The following CDK11A variants were observed in gnomAD, a reference collection of about 807,000 sequenced individuals.
CDK11A encodes cyclin dependent kinase 11A, also known as cyclin-dependent kinase 11A.
CDK11A carries 55 observed loss-of-function variants against 83.6 expected under a neutral mutation model. The observed-to-expected ratio is 0.66, with a 90% confidence interval of 0.53 to 0.82. The LOEUF (loss-of-function observed/expected upper bound fraction) is 0.82. Ranked by LOEUF, CDK11A falls within the 40% of genes least tolerant of loss-of-function variation. The probability of loss-of-function intolerance (pLI) is 0.00; values close to 1 mark genes in which losing one functional copy is unlikely to be tolerated. For missense variants in CDK11A, 564 were observed against 810.1 expected, an observed-to-expected ratio of 0.70 and a Z score of 3.69; for synonymous variants, 247 against 302.7, an observed-to-expected ratio of 0.82 and a Z score of 1.91.
intron 3 of CDK11A, among the ~76,000 whole-genome samples, chr1:1,721,230 A>G (rs1466962686): frequency 5.3e-5 from 8 of 150,668 alleles, no homozygotes; most frequent in Admixed American, 3.3e-4. Flanking sequence ...AGTATTTACA[A>G]CAGCACACTG....
At chr1:1,715,461 C>CA (rs975990707) in intron 5 of CDK11A, among the ~76,000 whole-genome samples, 1 of 139,088 alleles carries the variant, frequency 7.2e-6, no homozygotes, top group Non-Finnish European at 1.5e-5. Flanking sequence ...AAGACACACT[C>CA]AATGTCTGGC....
In CDK11A at chr1:1,722,412, T is replaced by C. The variant is rs72909040; in HGVS notation, c.111+296A>G. 4,977 of 545,428 alleles carry C rather than the reference T, an allele frequency of 9.1e-3. 138 individuals carry two copies. The highest frequency in any genetic ancestry group is 0.077 in the African/African-American group (4,365 of 56,454). The allele number at this position is 545,428 out of a possible 1,614,324, so 33.8% of individuals were successfully genotyped here. On this transcript the variant is annotated intron_variant, in intron 2 of 19. Coordinates refer to ENST00000404249, the MANE Select transcript of CDK11A (RefSeq NM_024011.4). The stretch of plus-strand genomic sequence containing the variant: ...CAAGTTCCCACTATATTAAAAATAC[T>C]TAGAGATAGTATTATGAATATACTA...
At chr1:1,708,640 C>CA (rs1425618036) in intron 9 of CDK11A, among the ~76,000 whole-genome samples, 154 bp downstream of exon 9, 3 of 127,582 alleles carry the variant, frequency 2.4e-5, no homozygotes, top group Non-Finnish European at 4.8e-5. Flanking sequence ...GATTCCATCT[C>CA]AAAAAAACAA....
chr1:1,717,209 G>A (rs1644697711), intron 4 of CDK11A, among the ~76,000 whole-genome samples: 1 of 151,110 alleles, frequency 6.6e-6, no homozygotes, highest in African/African-American at 2.4e-5. Context: ...TTTCTATACT[G>A]AATAAACTAT....
chr1:1,707,329 G>A lies in CDK11A; in HGVS notation c.1245+80C>T, dbSNP rs552271246. The A allele has an allele frequency of 8.1e-5, 117 of 1,441,112 alleles. 3 individuals carry two copies. The African/African-American group carries it at 1.6e-3, about 19-fold the overall frequency. The allele number at this position is 1,441,112 out of a possible 1,614,324, so 89.3% of individuals were successfully genotyped here. A position where few individuals can be genotyped will look rare whatever the true frequency, so the allele number is the denominator to read the frequency against. ...CTGTGAGGCGACAGACGCCAACACG[G>A]GGGCCAGGCTTCGCTCAGCCCCTGT... On this transcript the variant is annotated intron_variant, in intron 11 of 19. Coordinates refer to ENST00000404249, the MANE Select transcript of CDK11A (RefSeq NM_024011.4).
chr1:1,714,841 C>T (rs1414089257), intron 5 of CDK11A, among the ~76,000 whole-genome samples: 2 of 144,576 alleles, frequency 1.4e-5, no homozygotes, highest in East Asian at 2.1e-4. Context: ...AAGTGGGTGG[C>T]GGCTCGAGCT....
chr1:1,717,749 C>A (rs1557796762), intron 4 of CDK11A, among the ~76,000 whole-genome samples: 1 of 149,548 alleles, frequency 6.7e-6, no homozygotes, highest in Non-Finnish European at 1.5e-5. Context: ...TCTGAACGGT[C>A]TGTGACACAC....
Position 1,702,717 on chromosome 1 carries a change from G to A in CDK11A, c.*190C>T. On this transcript the variant is annotated 3_prime_UTR_variant, in exon 20 of 20. Transcript: ENST00000404249. ...CGAAGATGCCCTGGCAAGTCACGGA[G>A]AAAACACAGCTCTTTCCTCCACAAC... 1 of 619,982 alleles carries A rather than the reference G, an allele frequency of 1.6e-6. No individual in the cohort carries two copies. Among genetic ancestry groups the A allele is most frequent in the Admixed American group, 2.8e-5 (1 of 36,112 alleles). The allele number at this position is 619,982 out of a possible 1,614,324, so 38.4% of individuals were successfully genotyped here. A position where few individuals can be genotyped will look rare whatever the true frequency, so the allele number is the denominator to read the frequency against.
In CDK11A at chr1:1,703,593, G is replaced by A. The variant is rs1273667219; in HGVS notation, c.1943C>T (p.Pro648Leu). 2 of 1,595,494 alleles carry A rather than the reference G, an allele frequency of 1.3e-6. No homozygotes were observed. The highest frequency in any genetic ancestry group is 1.7e-5 in the Admixed American group (1 of 58,286). Residue 648 changes from proline (P) to leucine (L), a missense_variant, in exon 18 of 20, where the codon CCC becomes CTC. By Grantham distance (98) the Pro-to-Leu change is moderately conservative. Transcript: ENST00000404249. ...GACTACTGGGAGCTCACTGTAGCCG[G>A]GCCAGATTTTCTCACTGGGGGTCCC... The part of the protein sequence containing the change: ...ELGTPSEKIW[P>L]GYSELPVVKK...
At chr1:1,721,880 G>A (rs965005255) in intron 2 of CDK11A, 169 bp from the exon 3 acceptor site, 3 of 844,568 alleles carry the variant, frequency 3.6e-6, no homozygotes, top group African/African-American at 4.0e-5. Flanking sequence ...GCCAGGTGCA[G>A]TGGCTCACGC....
rs762588051 is a variant in CDK11A, at chr1:1,704,538, G to A, written c.1564+12C>T. The A allele has an allele frequency of 3.7e-6, 6 of 1,603,866 alleles. No homozygotes were observed. Among genetic ancestry groups the A allele is most frequent in the African/African-American group, 2.7e-5 (2 of 74,298 alleles). ...ACTTGTACGCAGACAGGACCCCGGG[G>A]CGCGGCTGTACCTGGCAGGAAGGGC... On this transcript the variant is annotated intron_variant, in intron 14 of 19. Coordinates refer to ENST00000404249, the MANE Select transcript of CDK11A (RefSeq NM_024011.4).
At position 1,702,992 on chromosome 1, in the gene CDK11A, T is replaced by C. The variant is rs1644141811; in HGVS notation, c.2258A>G (p.Asp753Gly). Residue 753 changes from aspartate (D) to glycine (G), a missense_variant, in exon 20 of 20, where the codon GAC (aspartate) becomes GGC (glycine). Asp to Gly is a moderately conservative substitution (Grantham distance 94). This residue lies in a region of CDK11A where 361 missense variants were observed against 402.7 expected (regional missense o/e 0.90). Coordinates refer to ENST00000404249, the MANE Select transcript of CDK11A (RefSeq NM_024011.4). ...GGLGYSQLGD[D>G]DLKETGFHLT... ...GTGGAAGCCCGTCTCCTTCAGGTCGTCGTCACCCTGGGACGAGTCGGCTAC... is the reference window on the plus strand; with the variant it reads ...GTGGAAGCCCGTCTCCTTCAGGTCGCCGTCACCCTGGGACGAGTCGGCTAC... The C allele has an allele frequency of 2.2e-6, 1 of 454,500 alleles. No homozygotes were observed. Among genetic ancestry groups the C allele is most frequent in the Non-Finnish European group, 3.8e-6 (1 of 261,724 alleles). The allele number at this position is 454,500 out of a possible 1,614,324, so 28.2% of individuals were successfully genotyped here. A position where few individuals can be genotyped will look rare whatever the true frequency, so the allele number is the denominator to read the frequency against.
chr1:1,716,298 A>G (rs1479101041), intron 5 of CDK11A, 48 bp downstream of exon 5: 6 of 1,586,778 alleles, frequency 3.8e-6, no homozygotes, highest in Middle Eastern at 3.4e-4. Context: ...GACAGGACAC[A>G]CTACCACGGC....
chr1:1,720,260 A>G (rs1001388900), intron 3 of CDK11A, among the ~76,000 whole-genome samples: 15 of 148,728 alleles, frequency 1.0e-4, no homozygotes, highest in African/African-American at 3.7e-4. Flanking sequence ...ACGCCCGGCT[A>G]ATTTTTTTTG....
intron 4 of CDK11A, 90 bp from the exon 5 acceptor site, chr1:1,716,568 C>T (rs1644657853): frequency 1.4e-6 from 2 of 1,384,080 alleles, no homozygotes; most frequent in Non-Finnish European, 2.0e-6. Context: ...AATCCCAGCA[C>T]TTTGGGAGGC....
rs547044307 is a variant in CDK11A at position 1,704,749 on chromosome 1, G to A, written c.1459-94C>T. The A allele has an allele frequency of 6.8e-4, 1,093 of 1,599,140 alleles. 40 individuals carry two copies. In the African/African-American group the frequency reaches 0.013, roughly 19 times the overall value. The stretch of plus-strand genomic sequence containing the variant: ...ATGCTGAGGGACAGTAAGGACCTCC[G>A]GTGCCACCCGGGAGGCAAATACTTG... On this transcript the variant is annotated intron_variant, in intron 13 of 19. Transcript: ENST00000404249.
At chr1:1,716,930 T>C (rs1158845236) in intron 4 of CDK11A, among the ~76,000 whole-genome samples, 1 of 147,218 alleles carries the variant, frequency 6.8e-6, no homozygotes, top group Non-Finnish European at 1.5e-5. Context: ...TTTTTTTTTT[T>C]TTTTTTGAAG....
chr1:1,715,356 C>G (rs1025980575), intron 5 of CDK11A, among the ~76,000 whole-genome samples: 2 of 135,926 alleles, frequency 1.5e-5, no homozygotes, highest in Admixed American at 8.1e-5. Context: ...TTTGTTCATT[C>G]ACTCTCCTGT....
At position 1,716,462 on chromosome 1, in the gene CDK11A, C is replaced by A. The variant is rs866937199; in HGVS notation, c.372G>T (p.Val124=). ...TCCGACGTTCGTGCTCTCTTTCTTTCACTCTAGCATGCTTCCCTAATGAGA... is the reference window on the plus strand; with the variant it reads ...TCCGACGTTCGTGCTCTCTTTCTTTAACTCTAGCATGCTTCCCTAATGAGA... ...HSAEGGKHAR[V]KEREHERRKR... The change falls in exon 5 of 20, where the codon GTG becomes GTT. Residue 124 remains valine, a synonymous_variant. Transcript: ENST00000404249. The A allele has an allele frequency of 6.2e-7, 1 of 1,608,610 alleles. No homozygotes were observed. Among genetic ancestry groups the A allele is most frequent in the Non-Finnish European group, 8.5e-7 (1 of 1,176,486 alleles).
Sources: allele counts gnomAD v4.1 joint callset (sites outside exome capture counted in the v4.1 genomes callset), GRCh38; gene constraint gnomAD v4.1.1; regional missense constraint gnomAD v4.1.1; transcripts MANE v1.5; gene names NCBI Gene and HGNC (gene_info 2026-07-23, HGNC 2026-07-21).